NAA40: variants seen among roughly 807,000 people sequenced by gnomAD.
The protein encoded by NAA40 is N-alpha-acetyltransferase 40.
In NAA40, 26 loss-of-function variants were observed where a neutral mutation model predicts 36.6. The ratio of observed to expected loss-of-function variants is 0.71; its 90% CI spans 0.52 to 0.98. The LOEUF (loss-of-function observed/expected upper bound fraction) is 0.98. Among genes scored for constraint, NAA40 ranks in the 50% least tolerant of loss-of-function variants. The probability of loss-of-function intolerance (pLI) is 0.00; values close to 1 mark genes in which losing one functional copy is unlikely to be tolerated. For missense variants in NAA40, 237 were observed against 306.5 expected (o/e 0.77, Z 1.69); for synonymous variants, 129 against 108.4 (o/e 1.19, Z -1.18).
intron 3 of NAA40, among the ~76,000 whole-genome samples, chr11:63,948,610 C>T (rs556858423): frequency 2.8e-4 from 42 of 151,912 alleles, no homozygotes; most frequent in Non-Finnish European, 5.3e-4. Flanking sequence ...CTCAGCTACT[C>T]GGGAGGCTGA....
intron 3 of NAA40, among the ~76,000 whole-genome samples, chr11:63,950,278 C>T (rs1358834179): frequency 1.3e-5 from 2 of 151,824 alleles, no homozygotes; most frequent in African/African-American, 4.8e-5. Flanking sequence ...GACATCACGC[C>T]CTGCTAATTT....
intron 3 of NAA40, among the ~76,000 whole-genome samples, chr11:63,950,004 A>G (rs1440404155): frequency 6.6e-6 from 1 of 151,920 alleles, no homozygotes. Flanking sequence ...TCGGCCTCCC[A>G]AAGTGCTGGG....
At chr11:63,947,038 C>T (rs1301819407) in intron 3 of NAA40, 35 bp downstream of exon 3, 15 of 1,583,758 alleles carry the variant, frequency 9.5e-6, no homozygotes, top group Non-Finnish European at 1.3e-5. Context: ...CTGCTGTCTC[C>T]TCGAGTGTCT....
intron 2 of NAA40, chr11:63,946,186 A>G (rs374330274): frequency 1.8e-5 from 9 of 506,916 alleles, no homozygotes; most frequent in African/African-American, 9.6e-5. Context: ...TTCCTTATGA[A>G]TAGAGGAGGA....
In NAA40 at chr11:63,939,022, T is replaced by A; in HGVS notation, c.-75T>A. On this transcript the variant is annotated 5_prime_UTR_variant, in exon 1 of 8. Transcript: ENST00000377793. ...GGGCCGTCCGCTCTGCTGCCGCCGC[T>A]GTTGCAGCCACCGCCGTTGCCGCCT... 6.9e-7 allele frequency: 1 copy of A among 1,454,824 alleles called. No individual in the cohort carries two copies. Among genetic ancestry groups the A allele is most frequent in the East Asian group, 2.7e-5 (1 of 37,144 alleles). The allele number at this position is 1,454,824 out of a possible 1,614,324, so 90.1% of individuals were successfully genotyped here. A position where few individuals can be genotyped will look rare whatever the true frequency, so the allele number is the denominator to read the frequency against.
At chr11:63,953,347 T>C (rs976336310) in intron 6 of NAA40, among the ~76,000 whole-genome samples, 2 of 152,052 alleles carry the variant, frequency 1.3e-5, no homozygotes, top group African/African-American at 4.8e-5. Flanking sequence ...ACCTGGCCAG[T>C]GAGCATCTTT....
intron 6 of NAA40, 106 bp from the exon 7 acceptor site, chr11:63,953,866 A>G: frequency 1.1e-6 from 1 of 925,316 alleles, no homozygotes; most frequent in Non-Finnish European, 1.7e-6. Context: ...CTGGGCTCAA[A>G]TGATCCTCCC....
chr11:63,951,342 G>A (rs954525970), intron 3 of NAA40, among the ~76,000 whole-genome samples: 1 of 151,378 alleles, frequency 6.6e-6, no homozygotes, highest in African/African-American at 2.4e-5. Flanking sequence ...GCTTCACCCG[G>A]TTTTTTTTTG....
chr11:63,953,516 GTCCAAGACC>G (rs59915082), intron 6 of NAA40, among the ~76,000 whole-genome samples: 8,930 of 152,232 alleles, frequency 0.059, 884 homozygotes, highest in African/African-American at 0.2. Flanking sequence ...CTGTGTGGGG[GTCCAAGACC>G]TCCAGAGGCT....
intron 3 of NAA40, among the ~76,000 whole-genome samples, chr11:63,947,771 G>T (rs974775932): frequency 2.2e-5 from 3 of 137,922 alleles, no homozygotes; most frequent in African/African-American, 8.1e-5. Context: ...CTGTCGTTCA[G>T]GCTGGAGTGC....
intron 3 of NAA40, among the ~76,000 whole-genome samples, chr11:63,948,473 C>T (rs1259358119): frequency 6.6e-6 from 1 of 152,040 alleles, no homozygotes; most frequent in Non-Finnish European, 1.5e-5. Flanking sequence ...AATCTCAGCA[C>T]TTTGGGAGGC....
chr11:63,942,295 G>C (rs1039374304), intron 1 of NAA40, among the ~76,000 whole-genome samples: 3 of 152,198 alleles, frequency 2.0e-5, no homozygotes, highest in African/African-American at 7.2e-5. Flanking sequence ...ACCATGCTGG[G>C]TTGTGAAAAG....
chr11:63,947,467 T>C (rs1942206458), intron 3 of NAA40, among the ~76,000 whole-genome samples: 1 of 152,174 alleles, frequency 6.6e-6, no homozygotes, highest in Non-Finnish European at 1.5e-5. Flanking sequence ...TATATTGATA[T>C]AAAATCCCCC....
At chr11:63,945,390 C>G (rs1942170126) in intron 1 of NAA40, among the ~76,000 whole-genome samples, 1 of 152,188 alleles carries the variant, frequency 6.6e-6, no homozygotes, top group South Asian at 2.1e-4. Flanking sequence ...AGCTGGAAGA[C>G]ACCGAAAAGG....
chr11:63,949,028 T>C (rs920971935), intron 3 of NAA40, among the ~76,000 whole-genome samples: 1 of 151,396 alleles, frequency 6.6e-6, no homozygotes, highest in African/African-American at 2.4e-5. Flanking sequence ...AAAAAAAAAA[T>C]TTTTTTAATT....
Position 63,957,212 on chromosome 11 carries a change from ATTTT to A in NAA40, c.*2741_*2744del, listed in dbSNP as rs59290702. ...CCTTGATATATATATATATATATAT[ATTTT>A]TTTTTTTCTTTAGCAGCTTGTTATC... On this transcript the variant is annotated 3_prime_UTR_variant, in exon 8 of 8. Transcript: ENST00000377793. The A allele has an allele frequency of 3.6e-4, 23 of 64,318 alleles. No individual in the cohort carries two copies. Among genetic ancestry groups the A allele is most frequent in the African/African-American group, 9.2e-4 (22 of 23,980 alleles). The allele number at this position is 64,318 out of a possible 1,614,324, so 4.0% of individuals were successfully genotyped here.
chr11:63,940,668 G>C (rs1942094836), intron 1 of NAA40, among the ~76,000 whole-genome samples: 1 of 151,976 alleles, frequency 6.6e-6, no homozygotes, highest in Non-Finnish European at 1.5e-5. Flanking sequence ...TAACCCATTG[G>C]GTTTGTCCCT....
At chr11:63,946,501 A>C (rs1942189135) in intron 2 of NAA40, 2 of 1,133,638 alleles carry the variant, frequency 1.8e-6, no homozygotes, top group African/African-American at 1.6e-5. Flanking sequence ...CACAGTGCCC[A>C]GCCCCTGCCT....
chr11:63,950,127 T>C (rs113089237), intron 3 of NAA40, among the ~76,000 whole-genome samples: 8 of 150,210 alleles, frequency 5.3e-5, no homozygotes, highest in African/African-American at 1.7e-4. Context: ...TTTTTGTTTT[T>C]TTTTTTTTTT....
Sources: gnomAD v4.1 joint callset for allele counts (sites outside exome capture counted in the v4.1 genomes callset) on GRCh38, gnomAD v4.1.1 for gene constraint, MANE v1.5 for transcripts, NCBI Gene and HGNC (gene_info 2026-07-23, HGNC 2026-07-21) for gene names.